The following RALYL variants were observed in gnomAD, a reference collection of about 807,000 sequenced individuals.
RALYL encodes the protein RNA-binding Raly-like protein.
In RALYL, 29 loss-of-function variants were observed where a neutral mutation model predicts 35.1. The observed-to-expected ratio is 0.83, with a 90% confidence interval of 0.61 to 1.13. The LOEUF (loss-of-function observed/expected upper bound fraction) is 1.13, where lower values mean the gene tolerates loss of function less well. Among genes scored for constraint, RALYL ranks in the 50% most tolerant of loss-of-function variants. RALYL has a pLI of 0.00. For synonymous variants in RALYL, 120 were observed against 127.6 expected (o/e 0.94, Z 0.40); for missense variants, 359 against 360.4 (o/e 1.00, Z 0.03).
At chr8:84,425,021 C>A (rs2046190589) in intron 1 of RALYL, among the ~76,000 whole-genome samples, 1 of 152,076 alleles carries the variant, frequency 6.6e-6, no homozygotes, top group African/African-American at 2.4e-5. Flanking sequence ...GTGCCCTGCC[C>A]CCAGAGGTGG....
At chr8:84,190,988 T>G (rs111679634) in intron 1 of RALYL, among the ~76,000 whole-genome samples, 6,235 of 151,196 alleles carry the variant, frequency 0.041, 463 homozygotes, top group African/African-American at 0.14. Flanking sequence ...ATGTAAGTAT[T>G]GTTCAACAGA....
At chr8:84,270,750 C>A (rs144786263) in intron 1 of RALYL, among the ~76,000 whole-genome samples, 31 of 152,182 alleles carry the variant, frequency 2.0e-4, no homozygotes, top group African/African-American at 7.2e-4. Flanking sequence ...ATTTCTTACA[C>A]ATTTCTTAAA....
chr8:84,418,823 C>T (rs950458542), intron 1 of RALYL, among the ~76,000 whole-genome samples: 1 of 152,116 alleles, frequency 6.6e-6, no homozygotes, highest in Non-Finnish European at 1.5e-5. Flanking sequence ...ACAAACCAAC[C>T]TCTTGCATCA....
chr8:84,449,519 G>C (rs2049223152), intron 1 of RALYL, among the ~76,000 whole-genome samples: 1 of 151,986 alleles, frequency 6.6e-6, no homozygotes, highest in East Asian at 1.9e-4. Context: ...CCTTTTAACT[G>C]TTTAGTGCCT....
At chr8:84,319,024 TTA>T (rs1335312809) in intron 1 of RALYL, among the ~76,000 whole-genome samples, 7 of 146,292 alleles carry the variant, frequency 4.8e-5, no homozygotes, top group African/African-American at 1.7e-4. Flanking sequence ...ATTTAAGTAT[TTA>T]ACATACTTTT....
At chr8:84,672,765 G>A (rs1284917264) in intron 2 of RALYL, among the ~76,000 whole-genome samples, 2 of 152,110 alleles carry the variant, frequency 1.3e-5, no homozygotes, top group Non-Finnish European at 2.9e-5. Context: ...GAACAGCACA[G>A]GAAAACCTGC....
intron 1 of RALYL, among the ~76,000 whole-genome samples, chr8:84,347,810 C>T (rs1302898711): frequency 6.6e-6 from 1 of 152,062 alleles, no homozygotes; most frequent in East Asian, 1.9e-4. Flanking sequence ...GCCTCTTAGG[C>T]TCTATTAAAA....
At chr8:84,486,719 G>C (rs1315831247) in intron 1 of RALYL, among the ~76,000 whole-genome samples, 2 of 151,878 alleles carry the variant, frequency 1.3e-5, no homozygotes, top group Non-Finnish European at 2.9e-5. Flanking sequence ...ACAATAAGTG[G>C]TTACATTGAA....
At chr8:84,262,978 A>C (rs1832598918) in intron 1 of RALYL, among the ~76,000 whole-genome samples, 1 of 152,252 alleles carries the variant, frequency 6.6e-6, no homozygotes, top group African/African-American at 2.4e-5. Context: ...AACAAGATTA[A>C]ATTTCATTAT....
chr8:84,703,572 A>C (rs1840601637), intron 2 of RALYL, among the ~76,000 whole-genome samples: 1 of 152,182 alleles, frequency 6.6e-6, no homozygotes, highest in African/African-American at 2.4e-5. Context: ...ATTGATATTA[A>C]TTATACATAA....
chr8:84,660,603 A>G (rs189816085), intron 2 of RALYL, among the ~76,000 whole-genome samples: 88 of 151,934 alleles, frequency 5.8e-4, no homozygotes, highest in African/African-American at 2.1e-3. Flanking sequence ...TTTTTTAACT[A>G]TTATATTTAG....
chr8:84,353,353 G>A (rs528866991), intron 1 of RALYL, among the ~76,000 whole-genome samples: 1 of 150,224 alleles, frequency 6.7e-6, no homozygotes, highest in Non-Finnish European at 1.5e-5. Context: ...TAGCTTTTAA[G>A]CCCCCGTGGT....
chr8:84,191,381 A>G (rs552859204), intron 1 of RALYL, among the ~76,000 whole-genome samples: 4 of 152,336 alleles, frequency 2.6e-5, no homozygotes, highest in African/African-American at 9.6e-5. Context: ...CTTTAAAAAT[A>G]AATATATTTA....
At chr8:84,692,313 G>A (rs956506307) in intron 2 of RALYL, among the ~76,000 whole-genome samples, 12 of 151,916 alleles carry the variant, frequency 7.9e-5, no homozygotes, top group Non-Finnish European at 1.8e-4. Flanking sequence ...AATATGGACT[G>A]CTCAGTTAGA....
chr8:84,475,495 T>G (rs1467356394), intron 1 of RALYL, among the ~76,000 whole-genome samples: 3 of 152,210 alleles, frequency 2.0e-5, no homozygotes, highest in Non-Finnish European at 4.4e-5. Context: ...TTAGGCAGAT[T>G]AGAAAACTCT....
At chr8:84,207,442 T>G (rs1818314894) in intron 1 of RALYL, among the ~76,000 whole-genome samples, 1 of 152,008 alleles carries the variant, frequency 6.6e-6, no homozygotes, top group African/African-American at 2.4e-5. Flanking sequence ...TGGAGGGCAT[T>G]ATGCTGTGTG....
chr8:84,356,122 C>T (rs2131164945), intron 1 of RALYL, among the ~76,000 whole-genome samples: 1 of 150,214 alleles, frequency 6.7e-6, no homozygotes, highest in East Asian at 1.9e-4. Context: ...CTGTAAGTTT[C>T]CTGAGGTCTC....
chr8:84,686,483 C>T (rs1026281535), intron 2 of RALYL, among the ~76,000 whole-genome samples: 1 of 152,164 alleles, frequency 6.6e-6, no homozygotes, highest in Non-Finnish European at 1.5e-5. Flanking sequence ...CAGTTCACTG[C>T]AACCTCCACC....
intron 1 of RALYL, among the ~76,000 whole-genome samples, chr8:84,262,702 G>A (rs530731465): frequency 3.3e-5 from 5 of 152,198 alleles, no homozygotes; most frequent in African/African-American, 9.6e-5. Flanking sequence ...CCAACCTGTT[G>A]GTGATCTATT....
Sources: allele counts gnomAD v4.1 joint callset (sites outside exome capture counted in the v4.1 genomes callset), GRCh38; gene constraint gnomAD v4.1.1; transcripts MANE v1.5; gene names NCBI Gene and HGNC (gene_info 2026-07-23, HGNC 2026-07-21).